The following PRKN variants were observed in gnomAD, a reference collection of about 807,000 sequenced individuals.
PRKN encodes parkin RBR E3 ubiquitin protein ligase, also known as E3 ubiquitin-protein ligase parkin.
PRKN carries 56 observed loss-of-function variants against 59.5 expected under a neutral mutation model. That is an observed-to-expected ratio of 0.94 (90% CI 0.76 to 1.18). The LOEUF is 1.18. PRKN is among the 50% of genes most tolerant of loss of function. The probability of loss-of-function intolerance (pLI) is 0.00; values close to 1 mark genes in which losing one functional copy is unlikely to be tolerated. For synonymous variants in PRKN, 250 were observed against 222.1 expected (o/e 1.13, Z -1.12); for missense variants, 657 against 596.4 (o/e 1.10, Z -1.06).
chr6:161,831,834 C>A (rs534308412), intron 6 of PRKN, among the ~76,000 whole-genome samples: 53 of 152,264 alleles, frequency 3.5e-4, no homozygotes, highest in African/African-American at 1.3e-3. Context: ...CTGCCACAGC[C>A]CTTTCCTACT....
rs763346301 is a variant in PRKN at position 161,447,835 on chromosome 6, AAAG to A, written c.1084-60961_1084-60959del. Among the ~76,000 whole-genome samples, 16 of 152,262 alleles carry A rather than the reference AAAG, an allele frequency of 1.1e-4. No individual in the cohort carries two copies. Among genetic ancestry groups the A allele is most frequent in the Non-Finnish European group, 2.2e-4 (15 of 68,022 alleles). Reference sequence around the variant, plus strand: ...ACATACATACATATATGTAAAAACAAAAGAAAATTTCAGGACCTTCCAAATTTC... The same window carrying A: ...ACATACATACATATATGTAAAAACAAAAAATTTCAGGACCTTCCAAATTTC... On this transcript the variant is annotated intron_variant, in intron 9 of 11. Transcript: ENST00000366898. The surrounding 1 kb of genome is among the most constrained non-coding windows in gnomAD (Gnocchi z 4.1).
chr6:162,021,453 ATATATATAT>A (rs1277278574), intron 5 of PRKN, among the ~76,000 whole-genome samples: 1,173 of 10,364 alleles, frequency 0.11, 4 homozygotes, highest in Non-Finnish European at 0.14. Flanking sequence ...ATATATATAT[ATATATATAT>A]TTTTTTTTTT....
At chr6:162,023,654 G>A (rs959921754) in intron 5 of PRKN, among the ~76,000 whole-genome samples, 1 of 152,078 alleles carries the variant, frequency 6.6e-6, no homozygotes, top group African/African-American at 2.4e-5. Context: ...GCCTGCTAGG[G>A]TATCGGGTTT....
chr6:161,860,947 T>C (rs776911066), intron 6 of PRKN, among the ~76,000 whole-genome samples: 1 of 152,276 alleles, frequency 6.6e-6, no homozygotes, highest in Non-Finnish European at 1.5e-5. Flanking sequence ...CTGGCAAAGC[T>C]GTGGAGAAAA....
At chr6:161,890,370 G>A (rs1242928614) in intron 6 of PRKN, among the ~76,000 whole-genome samples, 1 of 152,098 alleles carries the variant, frequency 6.6e-6, no homozygotes, top group Admixed American at 6.5e-5. Context: ...CAGCAGCCCT[G>A]GTCTTGGCAT....
intron 6 of PRKN, among the ~76,000 whole-genome samples, chr6:161,859,202 T>C (rs1170061999): frequency 6.6e-6 from 1 of 152,002 alleles, no homozygotes; most frequent in African/African-American, 2.4e-5. Context: ...AAGGCTTCCG[T>C]AAGAGTTTTC....
chr6:161,750,118 T>TATATATAC (rs1269147499), intron 7 of PRKN, among the ~76,000 whole-genome samples: 101 of 137,816 alleles, frequency 7.3e-4, no homozygotes, highest in East Asian at 4.8e-3. Flanking sequence ...TATATATATA[T>TATATATAC]ACACACACAC....
chr6:161,742,189 C>T (rs1336930858), intron 7 of PRKN, among the ~76,000 whole-genome samples: 1 of 151,984 alleles, frequency 6.6e-6, no homozygotes, highest in Non-Finnish European at 1.5e-5. Flanking sequence ...AGGCTGGTCT[C>T]GAACTCCTGA....
chr6:161,430,068 C>T (rs1407897967), intron 9 of PRKN, among the ~76,000 whole-genome samples: 1 of 152,110 alleles, frequency 6.6e-6, no homozygotes, highest in African/African-American at 2.4e-5. Flanking sequence ...GCATGGGTTG[C>T]ATTACAGGTG....
intron 1 of PRKN, among the ~76,000 whole-genome samples, chr6:162,570,886 C>T (rs1562395742): frequency 6.6e-6 from 1 of 152,032 alleles, no homozygotes; most frequent in Non-Finnish European, 1.5e-5. Context: ...AACAGGGTGA[C>T]CACAGTCAAT....
chr6:161,662,897 G>T (rs1582966945), intron 7 of PRKN, among the ~76,000 whole-genome samples: 2 of 152,166 alleles, frequency 1.3e-5, no homozygotes, highest in Non-Finnish European at 2.9e-5. Context: ...TGGTTTGGAT[G>T]TGTCCCCACC....
chr6:161,612,818 G>A (rs145667146), intron 7 of PRKN, among the ~76,000 whole-genome samples: 2 of 151,724 alleles, frequency 1.3e-5, no homozygotes, highest in East Asian at 3.9e-4. Context: ...GTTTACAGAT[G>A]CACATGGTTT....
At chr6:162,099,659 C>T (rs1372790320) in intron 4 of PRKN, among the ~76,000 whole-genome samples, 1 of 152,094 alleles carries the variant, frequency 6.6e-6, no homozygotes, top group Non-Finnish European at 1.5e-5. Flanking sequence ...TTTAAATCAA[C>T]AAAAATGATA....
At chr6:161,403,746 T>C (rs919652435) in intron 9 of PRKN, among the ~76,000 whole-genome samples, 4 of 152,298 alleles carry the variant, frequency 2.6e-5, no homozygotes, top group East Asian at 3.9e-4. Context: ...TGAGATTTTA[T>C]TCACGTGAAG....
chr6:162,707,193 T>A (rs769943551), intron 1 of PRKN, among the ~76,000 whole-genome samples: 1 of 152,204 alleles, frequency 6.6e-6, no homozygotes, highest in Admixed American at 6.5e-5. Context: ...TATATGAATA[T>A]ACTGTGGAAA....
intron 1 of PRKN, among the ~76,000 whole-genome samples, chr6:162,551,639 C>T (rs1779335627): frequency 6.6e-6 from 1 of 152,116 alleles, no homozygotes; most frequent in African/African-American, 2.4e-5. Context: ...GCAAAGAAAC[C>T]TGTGTAAGAA....
chr6:162,029,822 A>G lies in PRKN; in HGVS notation c.618+24269T>C, dbSNP rs375752880. Among the ~76,000 whole-genome samples the G allele has an allele frequency of 1.1e-4, 16 of 152,326 alleles. No homozygotes were observed. The East Asian group carries it at 3.1e-3, about 29-fold the overall frequency. ...ACACATTAATTATGACATCTCAGTAATTTATGAAAATAGCAAATGCTAGTC... is the reference window on the plus strand; with the variant it reads ...ACACATTAATTATGACATCTCAGTAGTTTATGAAAATAGCAAATGCTAGTC... On this transcript the variant is annotated intron_variant, in intron 5 of 11. Transcript: ENST00000366898.
rs1407532659 is a variant in PRKN, at chr6:161,873,997, A to AATATATAAAATATATATTATATGTAAAAT, written c.735-88118_735-88090dup. 2.0e-3 allele frequency among the ~76,000 whole-genome samples: 143 copies of AATATATAAAATATATATTATATGTAAAAT among 72,724 alleles called. 16 individuals carry two copies. Among genetic ancestry groups the AATATATAAAATATATATTATATGTAAAAT allele is most frequent in the African/African-American group, 7.2e-3 (118 of 16,464 alleles). 47.7% of individuals were successfully genotyped at this position (72,724 alleles called of 152,430 possible). On this transcript the variant is annotated intron_variant, in intron 6 of 11. Transcript: ENST00000366898. ...TATATAAAATATATATGTAAAATAT[A>AATATATAAAATATATATTATATGTAAAAT]ATATATAAAATATATATTATATGTA...
chr6:162,558,433 G>T (rs559580943), intron 1 of PRKN, among the ~76,000 whole-genome samples: 1 of 149,368 alleles, frequency 6.7e-6, no homozygotes, highest in Non-Finnish European at 1.5e-5. Flanking sequence ...GGGTTCAAGC[G>T]ATTCTCCTGC....
Sources: gnomAD v4.1 joint callset for allele counts (sites outside exome capture counted in the v4.1 genomes callset) on GRCh38, gnomAD v4.1.1 for gene constraint, Gnocchi (gnomAD v3.1) non-coding constraint, MANE v1.5 for transcripts, NCBI Gene and HGNC (gene_info 2026-07-23, HGNC 2026-07-21) for gene names.